The following ACOT9 variants were observed in gnomAD, a reference collection of about 807,000 sequenced individuals.
ACOT9 encodes acyl-coenzyme A thioesterase 9, mitochondrial.
A neutral mutation model predicts 39.7 loss-of-function variants in ACOT9; 34 were observed. The ratio of observed to expected loss-of-function variants is 0.86; its 90% CI spans 0.65 to 1.14. The LOEUF (loss-of-function observed/expected upper bound fraction) is 1.14. Ranked by LOEUF, ACOT9 falls within the 50% of genes most tolerant of loss-of-function variation. The pLI is 0.00. For missense variants in ACOT9, 313 were observed against 344.1 expected, an observed-to-expected ratio of 0.91 and a Z score of 0.71; for synonymous variants, 110 against 120.5, an observed-to-expected ratio of 0.91 and a Z score of 0.57.
Position 23,703,975 on chromosome X carries a change from C to T in ACOT9, c.1266G>A (p.Met422Ile). ...AATGCCGCTGCCCATCTAAGTACAA[C>T]ATGGACTCTGAAACACAAGAAAGAG... ...LVFPKTYGESMLYLDGQRHFN... is the reference protein window; with the variant it reads ...LVFPKTYGESILYLDGQRHFN... Residue 422 changes from methionine to isoleucine, a missense_variant, in exon 16 of 16, where the codon ATG (methionine) becomes ATA (isoleucine). By Grantham distance (10) the Met-to-Ile change is conservative. Coordinates refer to ENST00000379303, the MANE Select transcript of ACOT9 (RefSeq NM_001037171.2). The T allele has an allele frequency of 8.3e-7, 1 of 1,208,034 alleles. No homozygotes were observed.
chrX:23,735,817 A>T, intron 2 of ACOT9, 102 bp downstream of exon 2: 1 of 640,394 alleles, frequency 1.6e-6, no homozygotes, highest in Non-Finnish European at 2.4e-6. Flanking sequence ...TCTACCTTTA[A>T]TATGCCTCAT....
At chrX:23,722,605 T>C (rs1339059769) in intron 7 of ACOT9, 65 bp downstream of exon 7, 1 of 820,886 alleles carries the variant, frequency 1.2e-6, no homozygotes, top group African/African-American at 2.1e-5. Context: ...GTACGTCCTG[T>C]AATCTCAATA....
rs1929333721 is a variant in ACOT9, at chrX:23,721,950, G to A, written c.519C>T (p.Asp173=). ...MCKKSLSPEQ[D]IKFSGHVSWV... ...AGCTAACATGGCCACTGAACTTAAT[G>A]TCCTGTTCTGGGCTCAAGCTCTTCT... Residue 173 remains aspartate (D), a synonymous_variant, in exon 8 of 16, where the codon GAC becomes GAT. Transcript: ENST00000379303. 2 of 1,210,265 alleles carry A rather than the reference G, an allele frequency of 1.7e-6. No homozygotes were observed. Among genetic ancestry groups the A allele is most frequent in the Non-Finnish European group, 1.1e-6 (1 of 894,667 alleles).
At chrX:23,710,933 C>T (rs1928871779) in intron 9 of ACOT9, among the ~76,000 whole-genome samples, 1 of 109,903 alleles carries the variant, frequency 9.1e-6, no homozygotes, top group African/African-American at 3.3e-5. Context: ...CACAGGAGGC[C>T]CAGGCTGCAG....
Position 23,705,964 on chromosome X carries a change from T to C in ACOT9, c.843-106A>G, listed in dbSNP as rs994463035. The C allele has an allele frequency of 4.2e-6, 3 of 715,952 alleles. No homozygotes were observed. In the African/African-American group the frequency reaches 6.3e-5, roughly 15 times the overall value. 59.0% of individuals were successfully genotyped at this position (715,952 alleles called of 1,213,427 possible). Reference sequence around the variant, plus strand: ...CAATACACTCAGACAACTGTGGCTCTGGAGAAGGCCAAGGTTTAGGCCAGG... The same window carrying C: ...CAATACACTCAGACAACTGTGGCTCCGGAGAAGGCCAAGGTTTAGGCCAGG... On this transcript the variant is annotated intron_variant, in intron 11 of 15. Transcript: ENST00000379303.
intron 1 of ACOT9, among the ~76,000 whole-genome samples, chrX:23,740,066 C>T (rs1261492888): frequency 3.6e-5 from 4 of 110,027 alleles, no homozygotes; most frequent in African/African-American, 1.3e-4. Context: ...AATAATAAAT[C>T]TATATCATAC....
intron 8 of ACOT9, among the ~76,000 whole-genome samples, chrX:23,714,877 A>C (rs776548712): frequency 1.8e-5 from 2 of 111,150 alleles, no homozygotes; most frequent in Admixed American, 9.7e-5. Flanking sequence ...AGCCTCCCAA[A>C]ATGCTGGGAT....
rs772720583 is a variant in ACOT9, at chrX:23,702,952, C to T, written c.*942G>A. Reference sequence around the variant, plus strand: ...AAATCAGATATATCCTGCGGAGCCACTAGCAGAATGTGCTAAATAGCTGTC... The same window carrying T: ...AAATCAGATATATCCTGCGGAGCCATTAGCAGAATGTGCTAAATAGCTGTC... On this transcript the variant is annotated 3_prime_UTR_variant, in exon 16 of 16. Transcript: ENST00000379303. 9.0e-6 allele frequency: 1 copy of T among 111,647 alleles called. No homozygotes were observed. Among genetic ancestry groups the T allele is most frequent in the East Asian group, 2.8e-4 (1 of 3,583 alleles). 9.2% of individuals were successfully genotyped at this position (111,647 alleles called of 1,213,427 possible).
intron 6 of ACOT9, among the ~76,000 whole-genome samples, chrX:23,728,021 C>T (rs1399598628): frequency 2.8e-5 from 3 of 107,242 alleles, no homozygotes; most frequent in Non-Finnish European, 5.8e-5. Context: ...AAAGGCCAGG[C>T]ACGGCGGCTC....
chrX:23,705,033 T>G lies in ACOT9; in HGVS notation c.1067A>C (p.Lys356Thr). Residue 356 changes from lysine (K) to threonine (T), a missense_variant, in exon 14 of 16, where the codon AAA becomes ACA. By Grantham distance (78) the Lys-to-Thr change is moderately conservative. Coordinates refer to ENST00000379303, the MANE Select transcript of ACOT9 (RefSeq NM_001037171.2). ...GAGCAATGAGCCAACCTCAACAGGT[T>G]TCTGAAACATGATGTCATCTACTGC... ...VVAVDDIMFQKPVEVGSLLFL... is the reference protein window; with the variant it reads ...VVAVDDIMFQTPVEVGSLLFL... 1.7e-6 allele frequency: 2 copies of G among 1,211,751 alleles called. No individual in the cohort carries two copies. Among genetic ancestry groups the G allele is most frequent in the Non-Finnish European group, 2.2e-6 (2 of 895,457 alleles).
In ACOT9 at chrX:23,702,465, C is replaced by A. The variant is rs1226405281; in HGVS notation, c.*1429G>T. ...ACGGGGTTTCACCATCTCGGCCAGGCTGGTCTTGAACTCCTGACCTCATGA... is the reference window on the plus strand; with the variant it reads ...ACGGGGTTTCACCATCTCGGCCAGGATGGTCTTGAACTCCTGACCTCATGA... On this transcript the variant is annotated 3_prime_UTR_variant, in exon 16 of 16. Transcript: ENST00000379303. 2.7e-5 allele frequency: 3 copies of A among 110,742 alleles called. No individual in the cohort carries two copies. Among genetic ancestry groups the A allele is most frequent in the Non-Finnish European group, 5.7e-5 (3 of 52,929 alleles). 9.1% of individuals were successfully genotyped at this position (110,742 alleles called of 1,213,427 possible).
At chrX:23,732,900 A>T (rs987316792) in intron 4 of ACOT9, among the ~76,000 whole-genome samples, 1 of 112,232 alleles carries the variant, frequency 8.9e-6, no homozygotes, top group Non-Finnish European at 1.9e-5. Flanking sequence ...TAAGCACGTC[A>T]CAAGTTTTGT....
chrX:23,711,741 G>A (rs1452911933), intron 9 of ACOT9, among the ~76,000 whole-genome samples: 1 of 111,621 alleles, frequency 9.0e-6, no homozygotes, highest in African/African-American at 3.3e-5. Context: ...TCACAAAGGA[G>A]AGATTAGGCT....
rs1929940337 is a variant in ACOT9, at chrX:23,736,004, CA to C, written c.32del (p.Leu11TrpfsTer12). On this transcript the variant is annotated frameshift_variant, in exon 2 of 16. Coordinates refer to ENST00000379303, the MANE Select transcript of ACOT9 (RefSeq NM_001037171.2). LOFTEE classifies it high-confidence loss of function. ...TTCCAGGAGTAAGCTGCCCTTTGCCCAAGGCACAAAGCCTATAAAACAAGAT... is the reference window on the plus strand; with the variant it reads ...TTCCAGGAGTAAGCTGCCCTTTGCCCAGGCACAAAGCCTATAAAACAAGAT... MRRAALRLCALGKGQLTPGRG... is the reference protein window; with the variant it reads MRRAALRLCAXGKGQLTPGRG... The C allele has an allele frequency of 6.6e-6, 8 of 1,208,449 alleles. No homozygotes were observed. Among genetic ancestry groups the C allele is most frequent in the Non-Finnish European group, 9.0e-6 (8 of 893,815 alleles).
intron 4 of ACOT9, among the ~76,000 whole-genome samples, chrX:23,731,856 AAGAAG>A (rs1224628680): frequency 8.9e-6 from 1 of 111,863 alleles, no homozygotes; most frequent in African/African-American, 3.2e-5. Context: ...AGGGAAGAAA[AAGAAG>A]AGAAGATTAA....
intron 4 of ACOT9, among the ~76,000 whole-genome samples, chrX:23,732,879 AACAT>A (rs1929805815): frequency 8.9e-6 from 1 of 112,112 alleles, no homozygotes; most frequent in South Asian, 3.6e-4. Context: ...AAGGAACAGG[AACAT>A]ATGTCGTAAG....
rs1390240245 is a variant in ACOT9 at position 23,733,224 on chromosome X, C to A, written c.146-7G>T. ...TCCCGCAACTTATCTCGAACTGAAA[C>A]AAAAATAAAGAGGTCATTCCATGAA... is the stretch of plus-strand genomic sequence containing the variant. On this transcript the variant is annotated splice_region_variant and splice_polypyrimidine_tract_variant and intron_variant, in intron 3 of 15. Transcript: ENST00000379303. 1 of 1,201,813 alleles carries A rather than the reference C, an allele frequency of 8.3e-7. No homozygotes were observed. The highest frequency in any genetic ancestry group is 1.8e-5 in the African/African-American group (1 of 56,877).
intron 9 of ACOT9, among the ~76,000 whole-genome samples, chrX:23,710,815 G>A (rs1928867391): frequency 9.2e-6 from 1 of 109,128 alleles, no homozygotes; most frequent in African/African-American, 3.3e-5. Context: ...GGCAACAAGA[G>A]TAAAACTCCA....
intron 13 of ACOT9, 151 bp from the exon 14 acceptor site, chrX:23,705,231 A>G (rs1324332286): frequency 3.6e-6 from 2 of 559,690 alleles, no homozygotes; most frequent in African/African-American, 2.3e-5. Context: ...AAATGGTAAG[A>G]GACGCCATCG....
Sources: gnomAD v4.1 joint callset for allele counts (sites outside exome capture counted in the v4.1 genomes callset) on GRCh38, gnomAD v4.1.1 for gene constraint, MANE v1.5 for transcripts, NCBI Gene and HGNC (gene_info 2026-07-23, HGNC 2026-07-21) for gene names.